Variants in PITPNM3 observed in about 807,000 individuals in gnomAD.
PITPNM3 encodes the protein membrane-associated phosphatidylinositol transfer protein 3.
Under a neutral mutation model 102.0 loss-of-function variants are expected in PITPNM3, and 26 were observed. That is an observed-to-expected ratio of 0.25 (90% CI 0.19 to 0.35). The LOEUF (loss-of-function observed/expected upper bound fraction) is 0.35, where lower values mean the gene tolerates loss of function less well. Among genes scored for constraint, PITPNM3 ranks in the 10% least tolerant of loss-of-function variants. The pLI is 1.00. For synonymous variants in PITPNM3, 578 were observed against 558.6 expected (o/e 1.03, Z -0.49); for missense variants, 1,083 against 1,346.1 (o/e 0.80, Z 3.06).
In PITPNM3 at chr17:6,453,135, C is replaced by T. The variant is rs28593105; in HGVS notation, c.*2203G>A. The T allele has an allele frequency of 0.072, 10,031 of 138,944 alleles. 662 individuals are homozygous for T. The highest frequency in any genetic ancestry group is 0.2 in the African/African-American group (6,984 of 35,660). 8.6% of individuals were successfully genotyped at this position (138,944 alleles called of 1,614,324 possible). A position where few individuals can be genotyped will look rare whatever the true frequency, so the allele number is the denominator to read the frequency against. On this transcript the variant is annotated 3_prime_UTR_variant, in exon 20 of 20. Transcript: ENST00000262483. The stretch of plus-strand genomic sequence containing the variant: ...TCTCTTTCTCTCTCCCTCTCTCTCT[C>T]TCTCTCTCCCTCTCTCTCTTTCTCT...
At chr17:6,484,095 A>G (rs1905922822) in intron 5 of PITPNM3, 121 bp downstream of exon 5, 7 of 1,130,526 alleles carry the variant, frequency 6.2e-6, no homozygotes, top group Non-Finnish European at 9.3e-6. Context: ...AGACCCACCC[A>G]GGGTCACACA....
intron 4 of PITPNM3, among the ~76,000 whole-genome samples, chr17:6,497,312 G>A (rs1906890075): frequency 1.3e-5 from 2 of 152,168 alleles, no homozygotes; most frequent in African/African-American, 4.8e-5. Context: ...CTGTTCCTCT[G>A]GTCACTGACC....
At chr17:6,463,020 G>A (rs76751711) in intron 17 of PITPNM3, among the ~76,000 whole-genome samples, 1 of 152,062 alleles carries the variant, frequency 6.6e-6, no homozygotes, top group Admixed American at 6.5e-5. Context: ...TGTTGTAATG[G>A]CAACAAATGA....
At chr17:6,484,879 G>A (rs371876320) in intron 4 of PITPNM3, among the ~76,000 whole-genome samples, 1 of 152,206 alleles carries the variant, frequency 6.6e-6, no homozygotes, top group South Asian at 2.1e-4. Context: ...GCAGAACAAA[G>A]TGCTGCAGGG....
intron 4 of PITPNM3, among the ~76,000 whole-genome samples, chr17:6,501,341 T>C (rs897908398): frequency 5.3e-5 from 8 of 152,164 alleles, no homozygotes; most frequent in Non-Finnish European, 1.2e-4. Flanking sequence ...AGACTGCCCC[T>C]CCCAGAGCTG....
At chr17:6,499,028 A>G (rs1907010751) in intron 4 of PITPNM3, among the ~76,000 whole-genome samples, 1 of 152,046 alleles carries the variant, frequency 6.6e-6, no homozygotes, top group Non-Finnish European at 1.5e-5. Context: ...GAACAGACAG[A>G]TGGGGCCCCA....
intron 9 of PITPNM3, 141 bp downstream of exon 9, chr17:6,476,881 ACAGGGCC>A: frequency 1.1e-5 from 11 of 958,420 alleles, no homozygotes; most frequent in Admixed American, 7.0e-5. Flanking sequence ...GTCCCTCAGT[ACAGGGCC>A]GATGGCGAGT....
At chr17:6,551,766 T>C (rs953219160) in intron 1 of PITPNM3, among the ~76,000 whole-genome samples, 1 of 152,278 alleles carries the variant, frequency 6.6e-6, no homozygotes, top group Admixed American at 6.5e-5. Context: ...GCTAGTCCCC[T>C]TTCCAAGCTT....
chr17:6,539,291 A>G (rs1231653546), intron 1 of PITPNM3, among the ~76,000 whole-genome samples: 2 of 152,214 alleles, frequency 1.3e-5, no homozygotes, highest in Non-Finnish European at 2.9e-5. Flanking sequence ...CAGATGCACC[A>G]TAACTGTGTG....
At chr17:6,532,105 T>C (rs1186287330) in intron 2 of PITPNM3, among the ~76,000 whole-genome samples, 2 of 135,482 alleles carry the variant, frequency 1.5e-5, no homozygotes, top group Non-Finnish European at 3.2e-5. Context: ...AAACTCCGTC[T>C]AAAAAAAAAA....
chr17:6,556,317 G>T lies in PITPNM3; in HGVS notation c.22+68C>A. The T allele has an allele frequency of 7.6e-7, 1 of 1,319,948 alleles. No individual in the cohort carries two copies. Among genetic ancestry groups the T allele is most frequent in the Non-Finnish European group, 1.0e-6 (1 of 1,003,910 alleles). 81.8% of individuals were successfully genotyped at this position (1,319,948 alleles called of 1,614,324 possible). A position where few individuals can be genotyped will look rare whatever the true frequency, so the allele number is the denominator to read the frequency against. On this transcript the variant is annotated intron_variant, in intron 1 of 19. Transcript: ENST00000262483. This position sits in a 1 kb window ranked among gnomAD's most constrained non-coding sequence, Gnocchi z 5.2. ...CGCGAGGGGTTCACCTGGGCCGGCG[G>T]CCCCTCCTCTAGACGCGCGAGTCCC...
chr17:6,554,615 C>T (rs1325637788), intron 1 of PITPNM3, among the ~76,000 whole-genome samples: 1 of 152,212 alleles, frequency 6.6e-6, no homozygotes, highest in Non-Finnish European at 1.5e-5. Flanking sequence ...CACAGACTCT[C>T]AGCCCAGGGA....
chr17:6,522,822 A>G (rs1908613077), intron 3 of PITPNM3, among the ~76,000 whole-genome samples: 1 of 152,068 alleles, frequency 6.6e-6, no homozygotes, highest in Non-Finnish European at 1.5e-5. Flanking sequence ...AGCCTGCCTT[A>G]CTGCATAGTA....
rs530127594 is a variant in PITPNM3 at position 6,469,523 on chromosome 17, G to T, written c.1773+737C>A. Among the ~76,000 whole-genome samples the T allele has an allele frequency of 6.6e-6, 1 of 152,250 alleles. No individual in the cohort carries two copies. The highest frequency in any genetic ancestry group is 1.9e-4 in the East Asian group (1 of 5,166). On this transcript the variant is annotated intron_variant, in intron 13 of 19. Coordinates refer to ENST00000262483, the MANE Select transcript of PITPNM3 (RefSeq NM_031220.4). The surrounding 1 kb of genome is among the most constrained non-coding windows in gnomAD (Gnocchi z 4.0). ...CCTTAGTCACTCAAGTGGGAAACAG[G>T]ACGTACTGGGCTCCCGTCTTTCTCC...
Position 6,461,447 on chromosome 17 carries a change from T to C in PITPNM3, c.2416A>G (p.Ile806Val). The change falls in exon 18 of 20, where the codon ATC becomes GTC. Residue 806 changes from isoleucine to valine, a missense_variant. Coordinates refer to ENST00000262483, the MANE Select transcript of PITPNM3 (RefSeq NM_031220.4). ...TGCACCAGCCCATCGGAGAAGAAGA[T>C]CATGCCCTGTGGGAAGTTGTGCTGG... ...LSQHNFPQGM[I>V]FFSDGLVHDP... The C allele has an allele frequency of 1.2e-6, 2 of 1,614,146 alleles. No individual in the cohort carries two copies. The highest frequency in any genetic ancestry group is 1.7e-6 in the Non-Finnish European group (2 of 1,180,012).
At chr17:6,510,584 C>T (rs1168694082) in intron 3 of PITPNM3, among the ~76,000 whole-genome samples, 1 of 152,246 alleles carries the variant, frequency 6.6e-6, no homozygotes, top group East Asian at 1.9e-4. Flanking sequence ...CTGCAGTGAC[C>T]AGCACAGGGT....
chr17:6,519,343 C>A (rs866671714), intron 3 of PITPNM3, among the ~76,000 whole-genome samples: 5 of 4,148 alleles, frequency 1.2e-3, no homozygotes, highest in Non-Finnish European at 7.4e-4. Context: ...GACTCCGTCT[C>A]AAAAAAAAAA....
intron 19 of PITPNM3, among the ~76,000 whole-genome samples, chr17:6,456,682 C>T (rs1307098609): frequency 6.6e-6 from 1 of 152,122 alleles, no homozygotes; most frequent in Non-Finnish European, 1.5e-5. Context: ...ATCTCCTGAC[C>T]CTCTACCCGC....
chr17:6,516,798 G>C lies in PITPNM3; in HGVS notation c.226+8558C>G, dbSNP rs539589295. On this transcript the variant is annotated intron_variant, in intron 3 of 19. Transcript: ENST00000262483. ...TAATCCCAGCACTTTGGGAGGCCGA[G>C]GTGGGCTGATCACTTGAGGCCAGGA... Among the ~76,000 whole-genome samples the C allele has an allele frequency of 2.0e-5, 3 of 152,246 alleles. No homozygotes were observed. The South Asian group carries it at 6.2e-4, about 32-fold the overall frequency.
Sources: gnomAD v4.1 joint callset for allele counts (sites outside exome capture counted in the v4.1 genomes callset) on GRCh38, gnomAD v4.1.1 for gene constraint, Gnocchi (gnomAD v3.1) non-coding constraint, MANE v1.5 for transcripts, NCBI Gene and HGNC (gene_info 2026-07-23, HGNC 2026-07-21) for gene names.